Variants in ACADS observed in about 807,000 individuals in gnomAD.
ACADS encodes the protein short-chain specific acyl-CoA dehydrogenase, mitochondrial.
Under a neutral mutation model 46.8 loss-of-function variants are expected in ACADS, and 28 were observed. The ratio of observed to expected loss-of-function variants is 0.60; its 90% CI spans 0.44 to 0.82. ACADS has a LOEUF of 0.82. Among genes scored for constraint, ACADS ranks in the 40% least tolerant of loss-of-function variants. The pLI, the probability that ACADS is intolerant of heterozygous loss-of-function variation, is 0.00. For missense variants in ACADS, 528 were observed against 578.0 expected (o/e 0.91, Z 0.89); for synonymous variants, 236 against 237.7 (o/e 0.99, Z 0.07).
Position 120,728,580 on chromosome 12 carries a change from C to G in ACADS, c.210+1391C>G, listed in dbSNP as rs916267752. On this transcript the variant is annotated intron_variant, in intron 2 of 9. Transcript: ENST00000242592. This position sits in a 1 kb window ranked among gnomAD's most constrained non-coding sequence, Gnocchi z 4.0. ...AGTGCAGTGGCGCGATCTCGGCTCACTGCAACCTCCGCCTTCTGAGTTCAA... is the reference window on the plus strand; with the variant it reads ...AGTGCAGTGGCGCGATCTCGGCTCAGTGCAACCTCCGCCTTCTGAGTTCAA... Among the ~76,000 whole-genome samples the G allele has an allele frequency of 6.6e-6, 1 of 151,814 alleles. No homozygotes were observed. Among genetic ancestry groups the G allele is most frequent in the Admixed American group, 6.6e-5 (1 of 15,226 alleles).
chr12:120,732,815 G>C (rs532757783), intron 2 of ACADS, among the ~76,000 whole-genome samples: 5 of 152,264 alleles, frequency 3.3e-5, no homozygotes, highest in Admixed American at 6.5e-5. Context: ...TTTCCCAGAC[G>C]GGGTGGCGGC....
Position 120,737,087 on chromosome 12 carries a change from G to T in ACADS, c.312G>T (p.Glu104Asp), listed in dbSNP as rs759190266. 6.3e-7 allele frequency: 1 copy of T among 1,599,658 alleles called. No homozygotes were observed. Among genetic ancestry groups the T allele is most frequent in the East Asian group, 2.3e-5 (1 of 44,414 alleles). Residue 104 changes from glutamate to aspartate, a missense_variant, in exon 3 of 10, where the codon GAG becomes GAT. Glu to Asp is a conservative substitution (Grantham distance 45, BLOSUM62 2). Transcript: ENST00000242592. ...DYLAYAIAME[E>D]ISRGCASTGV... ...TGGCCTACGCCATCGCCATGGAGGA[G>T]ATCAGCCGTGGCTGCGCCTCCACCG...
At chr12:120,732,469 T>C (rs11065233) in intron 2 of ACADS, among the ~76,000 whole-genome samples, 75,084 of 142,342 alleles carry the variant, frequency 0.53, 20,270 homozygotes, top group African/African-American at 0.72. Context: ...ACTTCTCAGA[T>C]GGGGTGGCTG....
Position 120,739,133 on chromosome 12 carries a change from T to A in ACADS, c.1030-7T>A. 1 of 1,612,832 alleles carries A rather than the reference T, an allele frequency of 6.2e-7. No individual in the cohort carries two copies. The highest frequency in any genetic ancestry group is 2.2e-5 in the East Asian group (1 of 44,862). On this transcript the variant is annotated splice_region_variant and splice_polypyrimidine_tract_variant and intron_variant, in intron 8 of 9. Transcript: ENST00000242592. ...AGGGAAGGCTCTGACTGTACCCCCA[T>A]GTTTAGGAGGCAGCCATGGCCAAGC...
chr12:120,726,114 C>T (rs1354282443), intron 1 of ACADS, among the ~76,000 whole-genome samples, 183 bp downstream of exon 1: 2 of 151,174 alleles, frequency 1.3e-5, no homozygotes, highest in East Asian at 3.9e-4. Context: ...TCAGGCGTCC[C>T]TGGTTCCTGC....
At chr12:120,739,024 C>G in intron 8 of ACADS, 109 bp downstream of exon 8, 1 of 1,585,664 alleles carries the variant, frequency 6.3e-7, no homozygotes, top group Non-Finnish European at 8.7e-7. Flanking sequence ...AGGTGTGGGC[C>G]TGGGGTTTAC....
chr12:120,731,600 G>A (rs1411736081), intron 2 of ACADS, among the ~76,000 whole-genome samples: 3 of 151,634 alleles, frequency 2.0e-5, no homozygotes, highest in African/African-American at 7.3e-5. Flanking sequence ...GATTATAGGC[G>A]CCCACCATCA....
chr12:120,736,866 G>C, intron 2 of ACADS, 120 bp from the exon 3 acceptor site: 1 of 1,290,662 alleles, frequency 7.7e-7, no homozygotes, highest in South Asian at 1.5e-5. Flanking sequence ...GTGCGTGGCT[G>C]GGGTCACATG....
Position 120,738,519 on chromosome 12 carries a change from G to C in ACADS, c.796-14G>C, listed in dbSNP as rs201420791. 795 of 1,607,440 alleles carry C rather than the reference G, an allele frequency of 4.9e-4. 5 individuals carry two copies. The African/African-American group carries it at 9.3e-3, about 19-fold the overall frequency. On this transcript the variant is annotated splice_polypyrimidine_tract_variant and intron_variant, in intron 6 of 9. Coordinates refer to ENST00000242592, the MANE Select transcript of ACADS (RefSeq NM_000017.4). ...CCCCGGCTGGCGGGCCACTGACCAG[G>C]GCGGTCCCCACAGCAAACCCTGGAC...
intron 2 of ACADS, among the ~76,000 whole-genome samples, chr12:120,736,568 C>G (rs959944674): frequency 6.6e-6 from 1 of 152,136 alleles, no homozygotes; most frequent in African/African-American, 2.4e-5. Flanking sequence ...GGGGCAATAA[C>G]CAGCTGAGGG....
At chr12:120,732,670 C>T (rs975310218) in intron 2 of ACADS, among the ~76,000 whole-genome samples, 3 of 151,824 alleles carry the variant, frequency 2.0e-5, no homozygotes, top group East Asian at 1.9e-4. Flanking sequence ...GATGGGCGGC[C>T]GGGCAGAGAC....
Position 120,738,592 on chromosome 12 carries a change from C to T in ACADS, c.855C>T (p.Thr285=), listed in dbSNP as rs372164287. The part of the protein sequence containing the change: ...IASQALGIAQ[T]ALDCAVNYAE... ...CCCAGGCCCTGGGCATTGCCCAGAC[C>T]GCCCTCGATTGTGCTGTGAACTACG... Residue 285 remains threonine (T), a synonymous_variant, in exon 7 of 10, where the codon ACC becomes ACT. Coordinates refer to ENST00000242592, the MANE Select transcript of ACADS (RefSeq NM_000017.4). 2.9e-5 allele frequency: 47 copies of T among 1,612,942 alleles called. No individual in the cohort carries two copies. Among genetic ancestry groups the T allele is most frequent in the Middle Eastern group, 1.6e-4 (1 of 6,082 alleles).
intron 2 of ACADS, among the ~76,000 whole-genome samples, chr12:120,730,164 G>A (rs780459233): frequency 2.2e-4 from 34 of 152,190 alleles, no homozygotes; most frequent in Non-Finnish European, 3.8e-4. Context: ...TGTCTTTTTA[G>A]TAGAGACGGG....
At chr12:120,727,845 A>G (rs1435946025) in intron 2 of ACADS, among the ~76,000 whole-genome samples, 3 of 151,470 alleles carry the variant, frequency 2.0e-5, no homozygotes, top group Non-Finnish European at 4.4e-5. Context: ...CAAAGGTAGT[A>G]TTATTATATA....
At chr12:120,730,171 C>T (rs752659806) in intron 2 of ACADS, among the ~76,000 whole-genome samples, 1 of 151,752 alleles carries the variant, frequency 6.6e-6, no homozygotes, top group Non-Finnish European at 1.5e-5. Context: ...TTAGTAGAGA[C>T]GGGGTTTCAC....
intron 2 of ACADS, among the ~76,000 whole-genome samples, chr12:120,733,808 T>G (rs1305476300): frequency 6.7e-6 from 1 of 149,342 alleles, no homozygotes; most frequent in Non-Finnish European, 1.5e-5. Flanking sequence ...TCTCTGACCA[T>G]TCAAGACCAG....
At position 120,738,675 on chromosome 12, in the gene ACADS, T is replaced by C. The variant is rs368259344; in HGVS notation, c.933+5T>C. The stretch of plus-strand genomic sequence containing the variant: ...ACCAAGCTCCAGGTCATCCAGGTAA[T>C]GGTGGCAGCTTTAGGAGCTGGGCCT... On this transcript the variant is annotated splice_donor_5th_base_variant and intron_variant, in intron 7 of 9. Transcript: ENST00000242592. 6.5e-5 allele frequency: 105 copies of C among 1,611,502 alleles called. No individual in the cohort carries two copies. Among genetic ancestry groups the C allele is most frequent in the Admixed American group, 2.2e-4 (13 of 60,026 alleles).
At chr12:120,734,111 G>C (rs950292596) in intron 2 of ACADS, among the ~76,000 whole-genome samples, 5 of 152,178 alleles carry the variant, frequency 3.3e-5, no homozygotes, top group African/African-American at 4.8e-5. Flanking sequence ...CTCTGAGTCT[G>C]TGTCTGTCTT....
chr12:120,737,045 T>C lies in ACADS; in HGVS notation c.270T>C (p.Gly90=), dbSNP rs1241571229. 6.2e-7 allele frequency: 1 copy of C among 1,609,070 alleles called. No individual in the cohort carries two copies. Among genetic ancestry groups the C allele is most frequent in the Non-Finnish European group, 8.5e-7 (1 of 1,178,138 alleles). Residue 90 remains glycine, a synonymous_variant, in exon 3 of 10, where the codon GGT becomes GGC. Coordinates refer to ENST00000242592, the MANE Select transcript of ACADS (RefSeq NM_000017.4). ...TGGACGTGCCCGAGGAGCTTGGCGG[T>C]GCTGGCCTCGATTACCTGGCCTACG... is the stretch of plus-strand genomic sequence containing the variant. ...LAMDVPEELG[G]AGLDYLAYAI...
Sources: allele counts gnomAD v4.1 joint callset (sites outside exome capture counted in the v4.1 genomes callset), GRCh38; gene constraint gnomAD v4.1.1; non-coding constraint Gnocchi (gnomAD v3.1); transcripts MANE v1.5; gene names NCBI Gene and HGNC (gene_info 2026-07-23, HGNC 2026-07-21).